Variants in TBX18 observed in about 807,000 individuals in gnomAD.
TBX18 encodes T-box transcription factor 18, also known as T-box transcription factor TBX18.
A neutral mutation model predicts 55.0 loss-of-function variants in TBX18; 21 were observed. The observed-to-expected ratio is 0.38, with a 90% confidence interval of 0.27 to 0.55. The LOEUF (loss-of-function observed/expected upper bound fraction) is 0.55. TBX18 is among the 20% of genes least tolerant of loss of function. The pLI is 0.73. For missense variants in TBX18, 840 were observed against 799.6 expected (o/e 1.05, Z -0.61); for synonymous variants, 342 against 326.1 (o/e 1.05, Z -0.53).
chr6:84,756,689 T>C lies in TBX18; in HGVS notation c.771+9A>G. On this transcript the variant is annotated intron_variant, in intron 4 of 7. Coordinates refer to ENST00000369663, the MANE Select transcript of TBX18 (RefSeq NM_001080508.3). ...ATCTACAGATGCATTAGAGAGGCCA[T>C]CTACTCACATGGCCTTGGTCATCCA... 2 of 1,613,400 alleles carry C rather than the reference T, an allele frequency of 1.2e-6. No individual in the cohort carries two copies. The highest frequency in any genetic ancestry group is 1.7e-6 in the Non-Finnish European group (2 of 1,179,744).
intron 3 of TBX18, among the ~76,000 whole-genome samples, chr6:84,758,815 A>C (rs1395880396): frequency 1.3e-5 from 2 of 152,366 alleles, no homozygotes; most frequent in East Asian, 3.9e-4. Context: ...AAATAGTACA[A>C]ACAAATTTCT....
Position 84,763,899 on chromosome 6 carries a change from C to T in TBX18, c.283G>A (p.Gly95Arg), listed in dbSNP as rs752879216. The change falls in exon 1 of 8, where the codon GGA (glycine) becomes AGA (arginine). Residue 95 changes from glycine to arginine, a missense_variant. By Grantham distance (125) the Gly-to-Arg change is moderately radical (BLOSUM62 -2). Transcript: ENST00000369663. ...GAAGGGGCCCACTCACCCGCGGCTC[C>T]GCGCTCCAGGTCTGCGCCACTCCGA... ...PARSGADLERGAAGGCEDGFQ... is the reference protein window; with the variant it reads ...PARSGADLERRAAGGCEDGFQ... 2 of 1,512,356 alleles carry T rather than the reference C, an allele frequency of 1.3e-6. No individual in the cohort carries two copies. Among genetic ancestry groups the T allele is most frequent in the African/African-American group, 2.9e-5 (2 of 69,658 alleles). The allele number at this position is 1,512,356 out of a possible 1,614,324, so 93.7% of individuals were successfully genotyped here. A position where few individuals can be genotyped will look rare whatever the true frequency, so the allele number is the denominator to read the frequency against.
rs1437165023 is a variant in TBX18, at chr6:84,733,475, T to C, written c.*3210A>G. 6.6e-6 allele frequency: 1 copy of C among 152,188 alleles called. No individual in the cohort carries two copies. Among genetic ancestry groups the C allele is most frequent in the Non-Finnish European group, 1.5e-5 (1 of 68,028 alleles). 9.4% of individuals were successfully genotyped at this position (152,188 alleles called of 1,614,324 possible). A position where few individuals can be genotyped will look rare whatever the true frequency, so the allele number is the denominator to read the frequency against. On this transcript the variant is annotated 3_prime_UTR_variant, in exon 8 of 8. Transcript: ENST00000369663. ...TGTGTTACACTTTGCAACAAAGGAA[T>C]CTTTACAAACCTCTCTAATTAGAGA...
At chr6:84,762,510 T>C in intron 2 of TBX18, 34 bp downstream of exon 2, 1 of 1,611,420 alleles carries the variant, frequency 6.2e-7, no homozygotes, top group Non-Finnish European at 8.5e-7. Context: ...GGGTCTGGGG[T>C]AGGGAGGGGC....
chr6:84,750,155 C>A (rs572967365), intron 4 of TBX18, among the ~76,000 whole-genome samples: 49 of 152,002 alleles, frequency 3.2e-4, no homozygotes, highest in African/African-American at 1.1e-3. Flanking sequence ...CGTGGTGGCA[C>A]ATGCCTGTAG....
Position 84,733,106 on chromosome 6 carries a change from G to A in TBX18, c.*3579C>T, listed in dbSNP as rs1008340321. Reference sequence around the variant, plus strand: ...GACATGTTATTCTCATCATACCACAGTTCAATGAAAAGAAAGCACATTATT... The same window carrying A: ...GACATGTTATTCTCATCATACCACAATTCAATGAAAAGAAAGCACATTATT... On this transcript the variant is annotated 3_prime_UTR_variant, in exon 8 of 8. Coordinates refer to ENST00000369663, the MANE Select transcript of TBX18 (RefSeq NM_001080508.3). 1 of 152,108 alleles carries A rather than the reference G, an allele frequency of 6.6e-6. No individual in the cohort carries two copies. The highest frequency in any genetic ancestry group is 1.5e-5 in the Non-Finnish European group (1 of 68,008). The allele number at this position is 152,108 out of a possible 1,614,324, so 9.4% of individuals were successfully genotyped here.
Position 84,736,605 on chromosome 6 carries a change from GTTTC to G in TBX18, c.*76_*79del. ...ATGTACATTTTATAAACCACAGAGA[GTTTC>G]TTTCCACATAGCTTTTAAAAAAGAA... On this transcript the variant is annotated 3_prime_UTR_variant, in exon 8 of 8. Transcript: ENST00000369663. The G allele has an allele frequency of 7.0e-7, 1 of 1,430,902 alleles. No homozygotes were observed. Among genetic ancestry groups the G allele is most frequent in the South Asian group, 1.6e-5 (1 of 62,320 alleles). 88.6% of individuals were successfully genotyped at this position (1,430,902 alleles called of 1,614,324 possible).
At chr6:84,762,944 AG>A in intron 1 of TBX18, 196 bp from the exon 2 acceptor site, 1 of 621,672 alleles carries the variant, frequency 1.6e-6, no homozygotes, top group Non-Finnish European at 2.8e-6. Flanking sequence ...GGGCGCATTC[AG>A]AGCTCCAGTG....
rs1035000625 is a variant in TBX18, at chr6:84,764,446, C to T, written c.-265G>A. The T allele has an allele frequency of 2.3e-6, 1 of 438,958 alleles. No individual in the cohort carries two copies. The highest frequency in any genetic ancestry group is 5.6e-5 in the South Asian group (1 of 17,868). 27.2% of individuals were successfully genotyped at this position (438,958 alleles called of 1,614,324 possible). A position where few individuals can be genotyped will look rare whatever the true frequency, so the allele number is the denominator to read the frequency against. On this transcript the variant is annotated 5_prime_UTR_variant, in exon 1 of 8. Transcript: ENST00000369663. The stretch of plus-strand genomic sequence containing the variant: ...CACTGATGCACTCCTTTGCTCCCAC[C>T]CCTTCCACCTCCTCCTGCTGCTCCG...
At position 84,764,185 on chromosome 6, in the gene TBX18, C is replaced by T; in HGVS notation, c.-4G>A. The T allele has an allele frequency of 6.9e-7, 1 of 1,446,570 alleles. No individual in the cohort carries two copies. Among genetic ancestry groups the T allele is most frequent in the Non-Finnish European group, 9.0e-7 (1 of 1,108,042 alleles). 89.6% of individuals were successfully genotyped at this position (1,446,570 alleles called of 1,614,324 possible). On this transcript the variant is annotated 5_prime_UTR_variant, in exon 1 of 8. Coordinates refer to ENST00000369663, the MANE Select transcript of TBX18 (RefSeq NM_001080508.3). ...AGCCCCTTCGCTTCTCGGCCATCCC[C>T]CCCGCCCCGCGCCCGCCCGCCCCTC...
At chr6:84,757,658 T>C (rs575094183) in intron 3 of TBX18, among the ~76,000 whole-genome samples, 1 of 152,142 alleles carries the variant, frequency 6.6e-6, no homozygotes, top group African/African-American at 2.4e-5. Flanking sequence ...CAAAACATCC[T>C]TTCTATTTCT....
Position 84,762,874 on chromosome 6 carries a change from C to T in TBX18, c.293-126G>A, listed in dbSNP as rs571135438. The T allele has an allele frequency of 1.9e-4, 162 of 856,624 alleles. 1 individual carries two copies. The highest frequency in any genetic ancestry group is 1.4e-3 in the Middle Eastern group (4 of 2,920). 53.1% of individuals were successfully genotyped at this position (856,624 alleles called of 1,614,324 possible). A position where few individuals can be genotyped will look rare whatever the true frequency, so the allele number is the denominator to read the frequency against. On this transcript the variant is annotated intron_variant, in intron 1 of 7. Transcript: ENST00000369663. ...CGGGAGAAAAGGGGAAGCTTTGGTG[C>T]CATCAGGTCCTCCTAAAGAACAAGC...
chr6:84,760,713 A>G (rs1016324267), intron 2 of TBX18, among the ~76,000 whole-genome samples: 2 of 152,232 alleles, frequency 1.3e-5, no homozygotes, highest in Non-Finnish European at 2.9e-5. Context: ...AAATGTAACA[A>G]ATGGTAGAAA....
chr6:84,763,755 G>A, intron 1 of TBX18, 135 bp downstream of exon 1: 1 of 1,411,176 alleles, frequency 7.1e-7, no homozygotes, highest in South Asian at 1.5e-5. Flanking sequence ...CGAGCTTTGC[G>A]ACTGACACGG....
chr6:84,739,906 T>C (rs1166839080), intron 6 of TBX18, among the ~76,000 whole-genome samples: 1 of 152,256 alleles, frequency 6.6e-6, no homozygotes, highest in Admixed American at 6.5e-5. Context: ...GTATAGTCTC[T>C]GTTAATTGAT....
In TBX18 at chr6:84,734,723, G is replaced by A. The variant is rs534396092; in HGVS notation, c.*1962C>T. 6.6e-6 allele frequency: 1 copy of A among 152,506 alleles called. No homozygotes were observed. The highest frequency in any genetic ancestry group is 2.1e-4 in the South Asian group (1 of 4,828). 9.4% of individuals were successfully genotyped at this position (152,506 alleles called of 1,614,324 possible). On this transcript the variant is annotated 3_prime_UTR_variant, in exon 8 of 8. Coordinates refer to ENST00000369663, the MANE Select transcript of TBX18 (RefSeq NM_001080508.3). ...GCTCTTATTAATACATATGGGTATAGAGCATTACTTTCCATGTTTTTTCAA... is the reference window on the plus strand; with the variant it reads ...GCTCTTATTAATACATATGGGTATAAAGCATTACTTTCCATGTTTTTTCAA...
At position 84,763,256 on chromosome 6, in the gene TBX18, G is replaced by A. The variant is rs1767706567; in HGVS notation, c.293-508C>T. Reference sequence around the variant, plus strand: ...CGCCTCGCTTTGGGCCTTCTTTTGGGCCGGGCCGGAGGCATCTTCTAGAAG... The same window carrying A: ...CGCCTCGCTTTGGGCCTTCTTTTGGACCGGGCCGGAGGCATCTTCTAGAAG... On this transcript the variant is annotated intron_variant, in intron 1 of 7. Coordinates refer to ENST00000369663, the MANE Select transcript of TBX18 (RefSeq NM_001080508.3). The A allele has an allele frequency of 1.1e-5, 4 of 380,296 alleles. No homozygotes were observed. The Admixed American group carries it at 1.3e-4, about 12-fold the overall frequency. The allele number at this position is 380,296 out of a possible 1,614,324, so 23.6% of individuals were successfully genotyped here. A position where few individuals can be genotyped will look rare whatever the true frequency, so the allele number is the denominator to read the frequency against.
At chr6:84,739,519 A>G (rs1367526560) in intron 6 of TBX18, among the ~76,000 whole-genome samples, 4 of 152,112 alleles carry the variant, frequency 2.6e-5, no homozygotes, top group African/African-American at 9.7e-5. Context: ...CAAGACAGCC[A>G]CACCTGAGAC....
intron 4 of TBX18, among the ~76,000 whole-genome samples, chr6:84,748,876 T>A (rs982673451): frequency 1.3e-5 from 2 of 152,152 alleles, no homozygotes; most frequent in African/African-American, 4.8e-5. Context: ...CACTTACATA[T>A]CCAACATGAG....
Sources: allele counts gnomAD v4.1 joint callset (sites outside exome capture counted in the v4.1 genomes callset), GRCh38; gene constraint gnomAD v4.1.1; transcripts MANE v1.5; gene names NCBI Gene and HGNC (gene_info 2026-07-23, HGNC 2026-07-21).